The following COL12A1 variants were observed in gnomAD, a reference collection of about 807,000 sequenced individuals.
The protein encoded by COL12A1 is collagen type XII alpha 1 chain.
In COL12A1, 114 loss-of-function variants were observed where a neutral mutation model predicts 349.7. That is an observed-to-expected ratio of 0.33 (90% confidence interval 0.28 to 0.38). The LOEUF is 0.38. COL12A1 is among the 10% of genes least tolerant of loss of function. The probability of loss-of-function intolerance (pLI) is 1.00; values close to 1 mark genes in which losing one functional copy is unlikely to be tolerated. For missense variants in COL12A1, 3,284 were observed against 3,756.9 expected (o/e 0.87, Z 3.29); for synonymous variants, 1,369 against 1,329.0 (o/e 1.03, Z -0.66).
At chr6:75,116,976 G>T (rs1015471821) in intron 47 of COL12A1, among the ~76,000 whole-genome samples, 7 of 152,082 alleles carry the variant, frequency 4.6e-5, no homozygotes, top group African/African-American at 1.7e-4. Context: ...AATTTCTGAG[G>T]AACCATTTTT....
chr6:75,146,865 T>C (rs1767219430), intron 23 of COL12A1, among the ~76,000 whole-genome samples: 1 of 152,186 alleles, frequency 6.6e-6, no homozygotes, highest in Non-Finnish European at 1.5e-5. Flanking sequence ...TCACCTCCTA[T>C]AGTCTAATAT....
intron 11 of COL12A1, among the ~76,000 whole-genome samples, chr6:75,178,346 A>G (rs1267796033): frequency 1.3e-5 from 2 of 152,138 alleles, no homozygotes; most frequent in Admixed American, 1.3e-4. Flanking sequence ...AATAACACCT[A>G]ACACCCAGCT....
At chr6:75,095,536 G>C (rs1767967075) in intron 59 of COL12A1, among the ~76,000 whole-genome samples, 1 of 149,982 alleles carries the variant, frequency 6.7e-6, no homozygotes, top group African/African-American at 2.5e-5. Flanking sequence ...AGAATGGCGT[G>C]AACCCAGGAA....
chr6:75,173,723 T>C (rs932579682), intron 13 of COL12A1, among the ~76,000 whole-genome samples: 1 of 152,196 alleles, frequency 6.6e-6, no homozygotes, highest in Admixed American at 6.5e-5. Context: ...TTTTTCATTC[T>C]TAACCCTTGA....
intron 21 of COL12A1, among the ~76,000 whole-genome samples, chr6:75,149,083 T>C (rs1400455652): frequency 6.6e-6 from 1 of 152,072 alleles, no homozygotes; most frequent in African/African-American, 2.4e-5. Flanking sequence ...GAACTGTGAG[T>C]CAATCAAACC....
At chr6:75,184,972 C>T (rs1769533918) in intron 8 of COL12A1, among the ~76,000 whole-genome samples, 2 of 152,062 alleles carry the variant, frequency 1.3e-5, no homozygotes, top group Non-Finnish European at 2.9e-5. Flanking sequence ...TACACATCGC[C>T]TCCTCAAAAA....
At chr6:75,114,120 CATT>C (rs987395370) in intron 49 of COL12A1, among the ~76,000 whole-genome samples, 7 of 151,760 alleles carry the variant, frequency 4.6e-5, no homozygotes, top group African/African-American at 1.4e-4. Flanking sequence ...GAATGATAAA[CATT>C]ATGACTATGG....
chr6:75,109,164 G>A lies in COL12A1; in HGVS notation c.7954C>T (p.His2652Tyr), dbSNP rs759690064. 2 of 1,557,292 alleles carry A rather than the reference G, an allele frequency of 1.3e-6. No homozygotes were observed. The highest frequency in any genetic ancestry group is 2.4e-5 in the South Asian group (2 of 83,338). Reference protein sequence around the residue: ...TLFYGSFHKVHIVVTSKSVKI... With the variant: ...TLFYGSFHKVYIVVTSKSVKI... ...ACACTTTTTGAGGTCACTACAATAT[G>A]AACCTAAAAAGATAATTTGTTTCCA... The change falls in exon 52 of 66, where the codon CAT (histidine) becomes TAT (tyrosine). Residue 2652 changes from histidine (H) to tyrosine (Y), a missense_variant. By Grantham distance (83) the His-to-Tyr change is moderately conservative. Around this residue, in one of 2 missense-constraint regions of COL12A1, gnomAD observed 683 missense variants for 932.1 expected, o/e 0.73. Coordinates refer to ENST00000322507, the MANE Select transcript of COL12A1 (RefSeq NM_004370.6).
chr6:75,146,963 C>T (rs1263863957), intron 23 of COL12A1, among the ~76,000 whole-genome samples: 1 of 152,206 alleles, frequency 6.6e-6, no homozygotes, highest in East Asian at 1.9e-4. Flanking sequence ...CGCACTCCTT[C>T]TTCTTAAAAG....
intron 8 of COL12A1, among the ~76,000 whole-genome samples, chr6:75,184,801 GA>G (rs1769524240): frequency 6.6e-6 from 1 of 152,144 alleles, no homozygotes; most frequent in African/African-American, 2.4e-5. Context: ...ACTCAACATA[GA>G]ACATAGTCAT....
intron 3 of COL12A1, among the ~76,000 whole-genome samples, chr6:75,193,666 G>A (rs1203359469): frequency 6.6e-6 from 1 of 152,066 alleles, no homozygotes; most frequent in Non-Finnish European, 1.5e-5. Flanking sequence ...GTGCCATGTT[G>A]GTGTGCTGCA....
chr6:75,096,895 C>CAAACA (rs1491436578), intron 59 of COL12A1, among the ~76,000 whole-genome samples: 6 of 73,298 alleles, frequency 8.2e-5, no homozygotes, highest in African/African-American at 3.3e-4. Context: ...GACTCCGTCT[C>CAAACA]AAAAAAAAAA....
At chr6:75,180,606 A>C (rs1455519625) in intron 11 of COL12A1, among the ~76,000 whole-genome samples, 1 of 152,022 alleles carries the variant, frequency 6.6e-6, no homozygotes, top group Admixed American at 6.5e-5. Flanking sequence ...TAAGTACAGT[A>C]AACAATTTCA....
intron 36 of COL12A1, 80 bp downstream of exon 36, chr6:75,130,772 C>T: frequency 9.6e-6 from 15 of 1,567,736 alleles, no homozygotes; most frequent in Non-Finnish European, 1.3e-5. Flanking sequence ...CACCACCCCC[C>T]TCCCACCACT....
chr6:75,192,273 C>T lies in COL12A1; in HGVS notation c.273G>A (p.Val91=). 1 of 1,611,164 alleles carries T rather than the reference C, an allele frequency of 6.2e-7. No individual in the cohort carries two copies. Among genetic ancestry groups the T allele is most frequent in the Non-Finnish European group, 8.5e-7 (1 of 1,178,230 alleles). Residue 91 remains valine (V), a synonymous_variant, in exon 4 of 66, where the codon GTG becomes GTA. Transcript: ENST00000322507. ...CTTCATCATATGAAGTTATTGTCAC[C>T]ACATACTCTGTTTCAGGTACAAGTT... is the stretch of plus-strand genomic sequence containing the variant. ...LSELVPETEY[V]VTITSYDEVE...
chr6:75,149,057 C>T (rs571807205), intron 21 of COL12A1, among the ~76,000 whole-genome samples: 2 of 152,270 alleles, frequency 1.3e-5, no homozygotes, highest in South Asian at 2.1e-4. Flanking sequence ...GATTGTGAGG[C>T]CTCCCCAGCC....
chr6:75,177,031 A>G (rs893979835), intron 12 of COL12A1, among the ~76,000 whole-genome samples: 2 of 152,250 alleles, frequency 1.3e-5, no homozygotes, highest in Admixed American at 6.5e-5. Context: ...ATTTATTTCA[A>G]TGGTGCATAG....
At position 75,119,484 on chromosome 6, in the gene COL12A1, A is replaced by T. The variant is rs2149366872; in HGVS notation, c.7087-11T>A. The T allele has an allele frequency of 6.3e-7, 1 of 1,597,632 alleles. No individual in the cohort carries two copies. Among genetic ancestry groups the T allele is most frequent in the Admixed American group, 1.8e-5 (1 of 56,684 alleles). On this transcript the variant is annotated splice_polypyrimidine_tract_variant and intron_variant, in intron 44 of 65. Transcript: ENST00000322507. ...TTGCACAAATGAAACCTGAAGGAAAATGTGATTTGGCAGTGAGCATAAGTC... is the reference window on the plus strand; with the variant it reads ...TTGCACAAATGAAACCTGAAGGAAATTGTGATTTGGCAGTGAGCATAAGTC...
At chr6:75,088,170 T>C (rs551083895) in intron 64 of COL12A1, among the ~76,000 whole-genome samples, 2 of 152,364 alleles carry the variant, frequency 1.3e-5, no homozygotes, top group South Asian at 2.1e-4. Context: ...TCAATAGTTA[T>C]AGTTAACATA....
Sources: gnomAD v4.1 joint callset for allele counts (sites outside exome capture counted in the v4.1 genomes callset) on GRCh38, gnomAD v4.1.1 for gene constraint, gnomAD v4.1.1 regional missense constraint, MANE v1.5 for transcripts, NCBI Gene and HGNC (gene_info 2026-07-23, HGNC 2026-07-21) for gene names.